ZBTB43: variants seen among roughly 807,000 people sequenced by gnomAD.
The protein encoded by ZBTB43 is zinc finger and BTB domain containing 43, also known as zinc finger and BTB domain-containing protein 43.
A neutral mutation model predicts 31.1 loss-of-function variants in ZBTB43; 6 were observed. That is an observed-to-expected ratio of 0.19 (90% CI 0.11 to 0.38). The LOEUF (loss-of-function observed/expected upper bound fraction) is 0.38, where lower values mean the gene tolerates loss of function less well. Among genes scored for constraint, ZBTB43 ranks in the 10% least tolerant of loss-of-function variants. The probability of loss-of-function intolerance (pLI) is 1.00; values close to 1 mark genes in which losing one functional copy is unlikely to be tolerated. For synonymous variants in ZBTB43, 212 were observed against 221.7 expected, an observed-to-expected ratio of 0.96 and a Z score of 0.39; for missense variants, 379 against 602.1, an observed-to-expected ratio of 0.63 and a Z score of 3.88.
At chr9:126,819,693 A>G (rs1168556162) in intron 2 of ZBTB43, among the ~76,000 whole-genome samples, 2 of 152,196 alleles carry the variant, frequency 1.3e-5, no homozygotes, top group African/African-American at 4.8e-5. Context: ...GAGGAGTCAT[A>G]TGCTTCTTAC....
chr9:126,806,742 T>C (rs2032135101), intron 1 of ZBTB43, among the ~76,000 whole-genome samples: 2 of 152,236 alleles, frequency 1.3e-5, no homozygotes, highest in Admixed American at 1.3e-4. Context: ...CTGTAGTTGT[T>C]AGGAACACAG....
At chr9:126,807,798 G>A (rs1216799162) in intron 1 of ZBTB43, among the ~76,000 whole-genome samples, 2 of 152,000 alleles carry the variant, frequency 1.3e-5, no homozygotes, top group East Asian at 3.9e-4. Context: ...ACCACACACA[G>A]CTAATTTTTG....
intron 2 of ZBTB43, among the ~76,000 whole-genome samples, chr9:126,828,657 T>A (rs149718547): frequency 0.07 from 9,774 of 139,498 alleles, 409 homozygotes; most frequent in Admixed American, 0.14. Flanking sequence ...TAATAATAAT[T>A]ATTATTATTA....
chr9:126,818,568 G>T (rs1156720619), intron 2 of ZBTB43, among the ~76,000 whole-genome samples: 1 of 152,140 alleles, frequency 6.6e-6, no homozygotes, highest in Non-Finnish European at 1.5e-5. Flanking sequence ...TGTCATGAAA[G>T]GGTGCTGAAT....
chr9:126,832,628 A>G lies in ZBTB43; in HGVS notation c.119A>G (p.Gln40Arg). The G allele has an allele frequency of 6.2e-7, 1 of 1,614,180 alleles. No individual in the cohort carries two copies. Among genetic ancestry groups the G allele is most frequent in the Non-Finnish European group, 8.5e-7 (1 of 1,180,030 alleles). Residue 40 changes from glutamine to arginine, a missense_variant, in exon 3 of 3, where the codon CAA (glutamine) becomes CGA (arginine). By Grantham distance (43) the Gln-to-Arg change is conservative. Transcript: ENST00000373464. ...TTATGTGACGTCTCCATTGTTGTCC[A>G]AGGCCACATTTTCCGGGCACACAAA... Reference protein sequence around the residue: ...GQLCDVSIVVQGHIFRAHKAV... With the variant: ...GQLCDVSIVVRGHIFRAHKAV...
chr9:126,821,552 A>G (rs1194898384), intron 2 of ZBTB43, among the ~76,000 whole-genome samples: 1 of 152,202 alleles, frequency 6.6e-6, no homozygotes, highest in Non-Finnish European at 1.5e-5. Context: ...TGGAGGAATT[A>G]ATTGGAGATG....
In ZBTB43 at chr9:126,833,904, G is replaced by A. The variant is rs765519448; in HGVS notation, c.1395G>A (p.Glu465=). 1.3e-5 allele frequency: 21 copies of A among 1,572,714 alleles called. No homozygotes were observed. In the East Asian group the frequency reaches 4.3e-4, roughly 32 times the overall value. The change falls in exon 3 of 3, where the codon GAG becomes GAA. Residue 465 remains glutamate (E), a synonymous_variant. Transcript: ENST00000373464. The surrounding 1 kb of genome is among the most constrained non-coding windows in gnomAD (Gnocchi z 7.9). The part of the protein sequence containing the change: ...EAAKAEQNTT[E]AN ...CAAAGGCTGAGCAGAATACAACTGA[G>A]GCTAACTAAAAATAGGATCTGGCCC...
At position 126,834,106 on chromosome 9, in the gene ZBTB43, C is replaced by G. The variant is rs1041407611; in HGVS notation, c.*193C>G. The G allele has an allele frequency of 3.0e-5, 19 of 623,528 alleles. No individual in the cohort carries two copies. Among genetic ancestry groups the G allele is most frequent in the Non-Finnish European group, 4.9e-5 (19 of 389,672 alleles). The allele number at this position is 623,528 out of a possible 1,614,324, so 38.6% of individuals were successfully genotyped here. ...ATTCCTCAAATTTGTGTGTTCCAGT[C>G]CTGGCCTGGAATGGGTAATGGGGTG... On this transcript the variant is annotated 3_prime_UTR_variant, in exon 3 of 3. Coordinates refer to ENST00000373464, the MANE Select transcript of ZBTB43 (RefSeq NM_014007.4).
chr9:126,810,704 C>A (rs1399765464), intron 2 of ZBTB43, among the ~76,000 whole-genome samples: 1 of 150,568 alleles, frequency 6.6e-6, no homozygotes, highest in East Asian at 2.0e-4. Context: ...GGGGTTTCAC[C>A]ATGTTGGCCA....
In ZBTB43 at chr9:126,814,590, G is replaced by C. The variant is rs376210455; in HGVS notation, c.-24+5675G>C. Among the ~76,000 whole-genome samples the C allele has an allele frequency of 6.7e-4, 102 of 152,024 alleles. 1 individual carries two copies. Among genetic ancestry groups the C allele is most frequent in the Middle Eastern group, 6.8e-3 (2 of 294 alleles). ...GGGCAGATCACGAGGTCAGGAGATC[G>C]AGACCATCCTGGCTAACACAGTGAA... On this transcript the variant is annotated intron_variant, in intron 2 of 2. Coordinates refer to ENST00000373464, the MANE Select transcript of ZBTB43 (RefSeq NM_014007.4).
chr9:126,813,907 G>T (rs757397538), intron 2 of ZBTB43, among the ~76,000 whole-genome samples: 5 of 152,106 alleles, frequency 3.3e-5, no homozygotes, highest in Non-Finnish European at 7.4e-5. Flanking sequence ...ATAGTCACAT[G>T]TAATCAAATG....
At chr9:126,814,555 A>C (rs902323281) in intron 2 of ZBTB43, among the ~76,000 whole-genome samples, 4 of 151,816 alleles carry the variant, frequency 2.6e-5, no homozygotes, top group African/African-American at 9.7e-5. Context: ...ACACTTTGGG[A>C]GGCCGAGGTG....
rs1162678545 is a variant in ZBTB43 at position 126,834,055 on chromosome 9, C to G, written c.*142C>G. On this transcript the variant is annotated 3_prime_UTR_variant, in exon 3 of 3. Coordinates refer to ENST00000373464, the MANE Select transcript of ZBTB43 (RefSeq NM_014007.4). ...GGAAGATATTTCTGAAAGACCAGCT[C>G]TAAGTAGGCCAATTAAAAAAATCTA... 7.4e-6 allele frequency: 7 copies of G among 941,644 alleles called. No homozygotes were observed. The Admixed American group carries it at 1.9e-4, about 26-fold the overall frequency. 58.3% of individuals were successfully genotyped at this position (941,644 alleles called of 1,614,324 possible). A position where few individuals can be genotyped will look rare whatever the true frequency, so the allele number is the denominator to read the frequency against.
In ZBTB43 at chr9:126,835,731, G is replaced by GT. The variant is rs896889897; in HGVS notation, c.*1827dup. The GT allele has an allele frequency of 3.5e-4, 57 of 164,106 alleles. No individual in the cohort carries two copies. Among genetic ancestry groups the GT allele is most frequent in the African/African-American group, 8.9e-4 (36 of 40,666 alleles). 10.2% of individuals were successfully genotyped at this position (164,106 alleles called of 1,614,324 possible). A position where few individuals can be genotyped will look rare whatever the true frequency, so the allele number is the denominator to read the frequency against. Reference sequence around the variant, plus strand: ...TTTATTATAAATATATATATATATTGTTTTTTTTTAAACCTAGAAACTAGA... The same window carrying GT: ...TTTATTATAAATATATATATATATTGTTTTTTTTTTAAACCTAGAAACTAGA... On this transcript the variant is annotated 3_prime_UTR_variant, in exon 3 of 3. Transcript: ENST00000373464.
At position 126,832,554 on chromosome 9, in the gene ZBTB43, T is replaced by C; in HGVS notation, c.45T>C (p.Phe15=). 2 of 1,611,918 alleles carry C rather than the reference T, an allele frequency of 1.2e-6. No individual in the cohort carries two copies. The highest frequency in any genetic ancestry group is 1.7e-6 in the Non-Finnish European group (2 of 1,177,996). ...TNSFRVEFPD[F]SSTILQKLNQ... is the part of the protein sequence containing the mutation. ...CTTTTCGGGTAGAATTTCCTGATTT[T>C]TCCAGCACCATTCTACAGAAACTGA... is the stretch of plus-strand genomic sequence containing the variant. The change falls in exon 3 of 3, where the codon TTT becomes TTC. Residue 15 remains phenylalanine (F), a synonymous_variant. Coordinates refer to ENST00000373464, the MANE Select transcript of ZBTB43 (RefSeq NM_014007.4).
chr9:126,808,681 C>G (rs1201133997), intron 1 of ZBTB43, 112 bp from the exon 2 acceptor site: 1 of 152,130 alleles, frequency 6.6e-6, no homozygotes, highest in East Asian at 1.9e-4. Context: ...ACCAAAAATG[C>G]CAGTCTTGAT....
intron 2 of ZBTB43, among the ~76,000 whole-genome samples, chr9:126,830,827 T>A (rs1564207122): frequency 6.6e-6 from 1 of 151,902 alleles, no homozygotes; most frequent in Non-Finnish European, 1.5e-5. Context: ...TGTGCCATTG[T>A]TAGGAATTGT....
At chr9:126,807,152 T>C (rs553790993) in intron 1 of ZBTB43, among the ~76,000 whole-genome samples, 17 of 152,360 alleles carry the variant, frequency 1.1e-4, no homozygotes, top group Non-Finnish European at 2.1e-4. Context: ...ATTACTACTT[T>C]ATTTAATTGA....
At chr9:126,818,487 C>T (rs937422047) in intron 2 of ZBTB43, among the ~76,000 whole-genome samples, 7 of 152,104 alleles carry the variant, frequency 4.6e-5, no homozygotes, top group East Asian at 1.9e-4. Context: ...CCAAGCAATT[C>T]GCCCACCTCG....
Sources: allele counts gnomAD v4.1 joint callset (sites outside exome capture counted in the v4.1 genomes callset), GRCh38; gene constraint gnomAD v4.1.1; non-coding constraint Gnocchi (gnomAD v3.1); transcripts MANE v1.5; gene names NCBI Gene and HGNC (gene_info 2026-07-23, HGNC 2026-07-21).